Variants in POTEF observed in about 807,000 individuals in gnomAD.
POTEF encodes the protein POTE ankyrin domain family member F, also known as ANKRD26-like family C member 1B.
A neutral mutation model predicts 83.2 loss-of-function variants in POTEF; 20 were observed. The ratio of observed to expected loss-of-function variants is 0.24; its 90% CI spans 0.17 to 0.35. The LOEUF (loss-of-function observed/expected upper bound fraction) is 0.35, where lower values mean the gene tolerates loss of function less well. Among genes scored for constraint, POTEF ranks in the 10% least tolerant of loss-of-function variants. The probability of loss-of-function intolerance (pLI) is 1.00; values close to 1 mark genes in which losing one functional copy is unlikely to be tolerated. For missense variants in POTEF, 550 were observed against 1,203.2 expected (o/e 0.46, Z 8.03); for synonymous variants, 196 against 446.4 (o/e 0.44, Z 7.07).
At position 130,075,503 on chromosome 2, in the gene POTEF, T is replaced by C. The variant is rs746684750; in HGVS notation, c.1969A>G (p.Met657Val). The C allele has an allele frequency of 2.0e-5, 32 of 1,611,238 alleles. No individual in the cohort carries two copies. The highest frequency in any genetic ancestry group is 1.0e-4 in the Admixed American group (6 of 59,906). Residue 657 changes from methionine (M) to valine (V), a missense_variant, in exon 17 of 17, where the codon ATG becomes GTG. By Grantham distance (21) the Met-to-Val change is conservative. Transcript: ENST00000409914. ...ENSTLREEIA[M>V]LRLELDTMKH... is the part of the protein sequence containing the mutation. ...ATTGTGTCTAGCTCCAGTCTTAGCA[T>C]GGCAATTTCTTCCCGCAACGTACTA...
intron 2 of POTEF, among the ~76,000 whole-genome samples, chr2:130,125,509 T>A (rs939734015): frequency 2.0e-5 from 3 of 149,334 alleles, no homozygotes; most frequent in African/African-American, 7.5e-5. Flanking sequence ...AGAAAATGCA[T>A]AAACTTCTAG....
In POTEF at chr2:130,075,016, ATCT is replaced by A. The variant is rs768807434; in HGVS notation, c.2453_2455del (p.Lys818del). On this transcript the variant is annotated inframe_deletion, in exon 17 of 17. Transcript: ENST00000409914. ...GAAGGTCTCAAACATGATCTGGGTC[ATCT>A]TCTCGCGGTTGGCCTTAGGGTTCAG... 36 of 1,613,414 alleles carry A rather than the reference ATCT, an allele frequency of 2.2e-5. No individual in the cohort carries two copies. The highest frequency in any genetic ancestry group is 2.7e-5 in the Non-Finnish European group (32 of 1,179,930).
At chr2:130,115,828 G>A (rs1573613931) in intron 3 of POTEF, among the ~76,000 whole-genome samples, 2 of 152,182 alleles carry the variant, frequency 1.3e-5, no homozygotes, top group South Asian at 4.1e-4. Flanking sequence ...TACACTTTCA[G>A]GTGTGTTTTA....
At chr2:130,122,711 G>C (rs925638949) in intron 2 of POTEF, among the ~76,000 whole-genome samples, 25 of 150,992 alleles carry the variant, frequency 1.7e-4, no homozygotes, top group African/African-American at 5.9e-4. Flanking sequence ...TTTCATCAAT[G>C]TGCTATAATT....
Position 130,120,586 on chromosome 2 carries a change from G to A in POTEF, c.-71C>T, listed in dbSNP as rs1229591870. ...GTCTACCAACCAGTTTCACCAACTAGCAGGTAACTCCGGGTTTCCAATCTG... is the reference window on the plus strand; with the variant it reads ...GTCTACCAACCAGTTTCACCAACTAACAGGTAACTCCGGGTTTCCAATCTG... On this transcript the variant is annotated 5_prime_UTR_variant, in exon 3 of 17. Coordinates refer to ENST00000409914, the MANE Select transcript of POTEF (RefSeq NM_001099771.2). The A allele has an allele frequency of 2.9e-5, 47 of 1,602,676 alleles. No homozygotes were observed. Among genetic ancestry groups the A allele is most frequent in the Non-Finnish European group, 3.8e-5 (45 of 1,174,298 alleles).
chr2:130,113,486 C>T (rs1488863126), intron 5 of POTEF, among the ~76,000 whole-genome samples: 3 of 134,850 alleles, frequency 2.2e-5, no homozygotes, highest in African/African-American at 5.6e-5. Flanking sequence ...GGTTCTTAAG[C>T]AGGAGTGTAT....
intron 3 of POTEF, among the ~76,000 whole-genome samples, chr2:130,118,902 C>A (rs1369588324): frequency 1.3e-5 from 2 of 149,936 alleles, no homozygotes; most frequent in East Asian, 2.0e-4. Flanking sequence ...CATTATCAAG[C>A]GCTAAATTCT....
chr2:130,125,420 C>T (rs1685069212), intron 2 of POTEF, among the ~76,000 whole-genome samples: 1 of 149,842 alleles, frequency 6.7e-6, no homozygotes. Context: ...TTAAAAATAA[C>T]AAGTGTTCAA....
chr2:130,121,934 A>G (rs1422248171), intron 2 of POTEF, among the ~76,000 whole-genome samples: 1 of 149,006 alleles, frequency 6.7e-6, no homozygotes, highest in East Asian at 2.0e-4. Flanking sequence ...CTTTGCACCC[A>G]TTAGCAATCT....
chr2:130,128,887 C>T, intron 1 of POTEF, among the ~76,000 whole-genome samples, 185 bp downstream of exon 1: 1 of 125,672 alleles, frequency 8.0e-6, no homozygotes, highest in Non-Finnish European at 1.6e-5. Context: ...TCACCCCCGC[C>T]ACCACGGGCA....
chr2:130,107,882 T>A (rs1354462640), intron 8 of POTEF, 127 bp downstream of exon 8: 1 of 808,356 alleles, frequency 1.2e-6, no homozygotes, highest in Non-Finnish European at 1.9e-6. Context: ...GTAACATGAT[T>A]GAATAATCCT....
chr2:130,101,375 TTTTAAC>T (rs1337599255), intron 9 of POTEF, among the ~76,000 whole-genome samples: 3 of 147,622 alleles, frequency 2.0e-5, no homozygotes, highest in African/African-American at 8.1e-5. Context: ...GATAAAGATT[TTTTAAC>T]AATATGTACT....
intron 2 of POTEF, among the ~76,000 whole-genome samples, chr2:130,121,121 CGGCGTGCGCGT>C (rs1558896921): frequency 6.6e-6 from 1 of 150,742 alleles, no homozygotes; most frequent in African/African-American, 2.5e-5. Context: ...CGTGTGCGCG[CGGCGTGCGCGT>C]GCGCGTGCGG....
intron 2 of POTEF, 78 bp from the exon 3 acceptor site, chr2:130,120,686 A>G (rs1188057169): frequency 2.1e-6 from 2 of 970,890 alleles, no homozygotes; most frequent in East Asian, 3.1e-5. Context: ...CACCCCACCC[A>G]GGGAAAACCC....
intron 7 of POTEF, 77 bp from the exon 8 acceptor site, chr2:130,108,156 A>C: frequency 6.7e-7 from 1 of 1,499,604 alleles, no homozygotes; most frequent in East Asian, 2.5e-5. Context: ...TAGAATTATT[A>C]AGAGTATTTC....
Position 130,120,197 on chromosome 2 carries a change from G to A in POTEF, c.319C>T (p.Pro107Ser). 1.3e-6 allele frequency: 2 copies of A among 1,598,064 alleles called. No individual in the cohort carries two copies. Among genetic ancestry groups the A allele is most frequent in the African/African-American group, 1.4e-5 (1 of 73,188 alleles). The change falls in exon 3 of 17, where the codon CCC becomes TCC. Residue 107 changes from proline to serine, a missense_variant. By Grantham distance (74) the Pro-to-Ser change is moderately conservative (BLOSUM62 -1). Coordinates refer to ENST00000409914, the MANE Select transcript of POTEF (RefSeq NM_001099771.2). ...CTCTTGCTGCTCCCCCTGCAGCAGGGGAAGCAGTGGCAGCACCACTTGCCC... is the reference window on the plus strand; with the variant it reads ...CTCTTGCTGCTCCCCCTGCAGCAGGAGAAGCAGTGGCAGCACCACTTGCCC... ...KMGKWCCHCF[P>S]CCRGSSKSKV...
intron 3 of POTEF, among the ~76,000 whole-genome samples, chr2:130,115,704 CA>C (rs1343715714): frequency 6.6e-6 from 1 of 152,184 alleles, no homozygotes; most frequent in African/African-American, 2.4e-5. Flanking sequence ...AGACTCTGCA[CA>C]AAAGATATAG....
rs201630632 is a variant in POTEF at position 130,075,354 on chromosome 2, A to G, written c.2118T>C (p.Ala706=). Residue 706 remains alanine, a synonymous_variant, in exon 17 of 17, where the codon GCT becomes GCC. Transcript: ENST00000409914. ...LNELTMDDDT[A]VLVIDNGSGM... ...CAGAGCCGTTGTCAATGACGAGCAC[A>G]GCGGTATCATCATCCATGGTGAGCT... 42,914 of 1,588,182 alleles carry G rather than the reference A, an allele frequency of 0.027. 816 individuals carry two copies. The highest frequency in any genetic ancestry group is 0.058 in the Middle Eastern group (275 of 4,756).
chr2:130,114,676 T>C (rs1404133085), intron 5 of POTEF, among the ~76,000 whole-genome samples: 1 of 151,120 alleles, frequency 6.6e-6, no homozygotes, highest in Non-Finnish European at 1.5e-5. Flanking sequence ...TTACCACAAG[T>C]GCATTAAAAA....
Sources: allele counts gnomAD v4.1 joint callset (sites outside exome capture counted in the v4.1 genomes callset), GRCh38; gene constraint gnomAD v4.1.1; transcripts MANE v1.5; gene names NCBI Gene and HGNC (gene_info 2026-07-23, HGNC 2026-07-21).